DNAJB6: variants seen among roughly 807,000 people sequenced by gnomAD.
DNAJB6 encodes the protein DnaJ heat shock protein family (Hsp40) member B6.
A neutral mutation model predicts 42.7 loss-of-function variants in DNAJB6; 16 were observed. That is an observed-to-expected ratio of 0.37 (90% confidence interval 0.25 to 0.57). The LOEUF (loss-of-function observed/expected upper bound fraction) is 0.57, where lower values mean the gene tolerates loss of function less well. Among genes scored for constraint, DNAJB6 ranks in the 20% least tolerant of loss-of-function variants. The pLI is 0.74. For missense variants in DNAJB6, 347 were observed against 416.8 expected (o/e 0.83, Z 1.46); for synonymous variants, 170 against 163.5 (o/e 1.04, Z -0.30).
At chr7:157,383,613 G>T (rs991054382) in intron 6 of DNAJB6, among the ~76,000 whole-genome samples, 11 of 34,998 alleles carry the variant, frequency 3.1e-4, no homozygotes, top group Non-Finnish European at 1.0e-3. Context: ...ATGTGTGTTT[G>T]TGTGTGTGTG....
chr7:157,379,087 C>G (rs765103969), intron 5 of DNAJB6: 2 of 151,978 alleles, frequency 1.3e-5, no homozygotes, highest in Non-Finnish European at 2.9e-5. Context: ...TTTTTTCATA[C>G]AAGAAAATGG....
At chr7:157,389,930 A>G (rs1002207247) in intron 8 of DNAJB6, among the ~76,000 whole-genome samples, 1 of 152,196 alleles carries the variant, frequency 6.6e-6, no homozygotes. Flanking sequence ...GGCAAGTTGC[A>G]CACTCAGGGC....
At chr7:157,345,862 G>T (rs934571966) in intron 1 of DNAJB6, among the ~76,000 whole-genome samples, 4 of 152,132 alleles carry the variant, frequency 2.6e-5, no homozygotes, top group African/African-American at 9.7e-5. Context: ...ATCTGCTGTA[G>T]AAATTACTTC....
chr7:157,340,964 CTG>C (rs35976329), intron 1 of DNAJB6, among the ~76,000 whole-genome samples: 4,537 of 145,976 alleles, frequency 0.031, 79 homozygotes, highest in South Asian at 0.065. Flanking sequence ...CCGCACCTGG[CTG>C]TGTGTGTGTG....
At chr7:157,398,809 A>G (rs1009341707) in intron 8 of DNAJB6, among the ~76,000 whole-genome samples, 1 of 152,256 alleles carries the variant, frequency 6.6e-6, no homozygotes, top group African/African-American at 2.4e-5. Flanking sequence ...CAGAAATTAT[A>G]CCCAAACAGT....
intron 8 of DNAJB6, among the ~76,000 whole-genome samples, chr7:157,389,824 CTG>C (rs895705753): frequency 3.3e-5 from 5 of 152,228 alleles, no homozygotes; most frequent in African/African-American, 1.2e-4. Context: ...GTCCTGGCTT[CTG>C]TGCTTTGGTC....
Position 157,363,368 on chromosome 7 carries a change from G to T in DNAJB6, c.175+98G>T, listed in dbSNP as rs546275555. ...TCAGGGTAGCACAGTATGGACTCAA[G>T]TGACTTGTTTTTGATGCCTACTGGA... On this transcript the variant is annotated intron_variant, in intron 3 of 9. Transcript: ENST00000262177. The T allele has an allele frequency of 1.9e-5, 14 of 719,574 alleles. No individual in the cohort carries two copies. In the South Asian group the frequency reaches 2.4e-4, roughly 13 times the overall value. The allele number at this position is 719,574 out of a possible 1,614,324, so 44.6% of individuals were successfully genotyped here. A position where few individuals can be genotyped will look rare whatever the true frequency, so the allele number is the denominator to read the frequency against.
chr7:157,341,004 G>GCGCGCT (rs1554450177), intron 1 of DNAJB6, among the ~76,000 whole-genome samples: 53 of 147,260 alleles, frequency 3.6e-4, no homozygotes, highest in Admixed American at 3.3e-3. Flanking sequence ...GTGTGCGCGC[G>GCGCGCT]CGCAGGTGGA....
intron 1 of DNAJB6, among the ~76,000 whole-genome samples, chr7:157,339,211 C>G (rs767954891): frequency 6.6e-6 from 1 of 151,194 alleles, no homozygotes; most frequent in Non-Finnish European, 1.5e-5. Flanking sequence ...GTACCCGTCA[C>G]CCTCATCAGT....
In DNAJB6 at chr7:157,366,516, A is replaced by G. The variant is rs1166193954; in HGVS notation, c.190A>G (p.Ile64Val). ...TCAATTTTTAGCTAAGAAACGGGAC[A>G]TCTATGACAAATATGGCAAAGAAGG... ...EVLSDAKKRD[I>V]YDKYGKEGLN... The change falls in exon 4 of 10, where the codon ATC becomes GTC. Residue 64 changes from isoleucine to valine, a missense_variant. This residue lies in a region of DNAJB6 where 78 missense variants were observed against 102.1 expected (regional missense o/e 0.76). Coordinates refer to ENST00000262177, the MANE Select transcript of DNAJB6 (RefSeq NM_058246.4). The G allele has an allele frequency of 1.2e-6, 2 of 1,614,066 alleles. No homozygotes were observed. The highest frequency in any genetic ancestry group is 1.1e-5 in the South Asian group (1 of 91,060).
At chr7:157,363,736 G>T (rs1390242499) in intron 3 of DNAJB6, among the ~76,000 whole-genome samples, 2 of 152,166 alleles carry the variant, frequency 1.3e-5, no homozygotes, top group Non-Finnish European at 2.9e-5. Context: ...CTAAAATTTA[G>T]ATTTCCAGTT....
intron 7 of DNAJB6, 128 bp from the exon 8 acceptor site, chr7:157,385,413 A>T: frequency 9.9e-7 from 1 of 1,006,020 alleles, no homozygotes; most frequent in Non-Finnish European, 1.5e-6. Flanking sequence ...GGCTTCAGCC[A>T]TGTTTTTACA....
chr7:157,352,360 C>A (rs1192961869), intron 1 of DNAJB6, among the ~76,000 whole-genome samples: 1 of 151,778 alleles, frequency 6.6e-6, no homozygotes, highest in Non-Finnish European at 1.5e-5. Context: ...ATATAATTTT[C>A]TTTTTTACTC....
At chr7:157,357,212 GTCC>G (rs1799325733) in intron 1 of DNAJB6, among the ~76,000 whole-genome samples, 769 of 61,512 alleles carry the variant, frequency 0.013, 50 homozygotes, top group African/African-American at 0.025. Flanking sequence ...TGATACTGTT[GTCC>G]TTCCTTCCTT....
intron 1 of DNAJB6, among the ~76,000 whole-genome samples, chr7:157,341,326 A>G (rs1286173643): frequency 1.3e-5 from 2 of 151,742 alleles, no homozygotes; most frequent in East Asian, 3.9e-4. Context: ...GGGTTTCACC[A>G]TCTTGGCCAG....
At chr7:157,385,705 C>G in intron 8 of DNAJB6, 94 bp downstream of exon 8, 1 of 1,568,612 alleles carries the variant, frequency 6.4e-7, no homozygotes, top group Non-Finnish European at 8.6e-7. Flanking sequence ...TGAGGATTAA[C>G]AGGAACATTT....
At chr7:157,407,160 G>C (rs17721785) in intron 8 of DNAJB6, among the ~76,000 whole-genome samples, 4 of 152,228 alleles carry the variant, frequency 2.6e-5, no homozygotes, top group Admixed American at 2.0e-4. Flanking sequence ...AGCGAGACTG[G>C]GCTTCCCAGA....
chr7:157,415,279 C>G (rs570736464), intron 9 of DNAJB6: 1 of 152,272 alleles, frequency 6.6e-6, no homozygotes, highest in South Asian at 2.1e-4. Flanking sequence ...ATTTCTGGCA[C>G]GTTGGATCAG....
chr7:157,400,332 G>A (rs1020206951), intron 8 of DNAJB6, among the ~76,000 whole-genome samples: 13 of 151,246 alleles, frequency 8.6e-5, no homozygotes, highest in African/African-American at 3.2e-4. Context: ...TCTGAGCATG[G>A]GGGATGCCTG....
Sources: allele counts gnomAD v4.1 joint callset (sites outside exome capture counted in the v4.1 genomes callset), GRCh38; gene constraint gnomAD v4.1.1; regional missense constraint gnomAD v4.1.1; transcripts MANE v1.5; gene names NCBI Gene and HGNC (gene_info 2026-07-23, HGNC 2026-07-21).